PRKCA: variants seen among roughly 807,000 people sequenced by gnomAD.
PRKCA encodes protein kinase C alpha type.
Under a neutral mutation model 87.0 loss-of-function variants are expected in PRKCA, and 27 were observed. That is an observed-to-expected ratio of 0.31 (90% confidence interval 0.23 to 0.43). PRKCA has a LOEUF of 0.43. Among genes scored for constraint, PRKCA ranks in the 20% least tolerant of loss-of-function variants. The pLI is 1.00. For synonymous variants in PRKCA, 329 were observed against 311.1 expected, an observed-to-expected ratio of 1.06 and a Z score of -0.61; for missense variants, 518 against 852.3, an observed-to-expected ratio of 0.61 and a Z score of 4.88.
intron 2 of PRKCA, among the ~76,000 whole-genome samples, chr17:66,315,397 A>G (rs1462439371): frequency 6.6e-6 from 1 of 151,914 alleles, no homozygotes; most frequent in Non-Finnish European, 1.5e-5. Context: ...GCCTCTCACA[A>G]TTCTCCTTTT....
At chr17:66,679,269 C>T (rs902671532) in intron 5 of PRKCA, among the ~76,000 whole-genome samples, 2 of 151,580 alleles carry the variant, frequency 1.3e-5, no homozygotes, top group Non-Finnish European at 2.9e-5. Flanking sequence ...CAAGCTCTGC[C>T]GCCCGGGTTC....
chr17:66,783,414 G>C (rs1208215277), intron 14 of PRKCA, among the ~76,000 whole-genome samples: 1 of 152,154 alleles, frequency 6.6e-6, no homozygotes. Flanking sequence ...ATATTCTTTG[G>C]GGAGTGTCAG....
chr17:66,718,270 C>T (rs1973526642), intron 8 of PRKCA, among the ~76,000 whole-genome samples: 1 of 152,160 alleles, frequency 6.6e-6, no homozygotes. Context: ...GCTTTGCCCA[C>T]ACATGGTAGA....
chr17:66,742,921 A>G (rs1974188693), intron 13 of PRKCA, among the ~76,000 whole-genome samples, 161 bp downstream of exon 13: 1 of 152,276 alleles, frequency 6.6e-6, no homozygotes, highest in African/African-American at 2.4e-5. Flanking sequence ...AGGAAATAGG[A>G]GAGCCCATTG....
At chr17:66,652,774 A>G (rs1315548852) in intron 5 of PRKCA, among the ~76,000 whole-genome samples, 1 of 152,218 alleles carries the variant, frequency 6.6e-6, no homozygotes, top group East Asian at 1.9e-4. Flanking sequence ...ATTCTTGGCT[A>G]GAAGGAAGCC....
intron 14 of PRKCA, among the ~76,000 whole-genome samples, chr17:66,783,197 G>C (rs1278969735): frequency 6.6e-6 from 1 of 152,122 alleles, no homozygotes; most frequent in East Asian, 1.9e-4. Flanking sequence ...GTTACAGCTT[G>C]GGCATCTTAT....
intron 2 of PRKCA, among the ~76,000 whole-genome samples, chr17:66,312,124 G>T (rs1830058519): frequency 6.6e-6 from 1 of 152,146 alleles, no homozygotes; most frequent in South Asian, 2.1e-4. Flanking sequence ...TGGGATTACA[G>T]ATGCATGCCA....
intron 5 of PRKCA, among the ~76,000 whole-genome samples, chr17:66,650,184 G>A (rs887178202): frequency 3.3e-5 from 5 of 152,208 alleles, no homozygotes; most frequent in Non-Finnish European, 1.5e-5. Context: ...CCAAAGTAAC[G>A]TAGAAACTCC....
intron 2 of PRKCA, among the ~76,000 whole-genome samples, chr17:66,345,320 A>T (rs1049200381): frequency 6.6e-6 from 1 of 152,150 alleles, no homozygotes; most frequent in African/African-American, 2.4e-5. Context: ...CCTTGTTAGG[A>T]AGTTGAATTT....
chr17:66,392,560 A>T (rs1910428010), intron 2 of PRKCA, among the ~76,000 whole-genome samples: 1 of 152,108 alleles, frequency 6.6e-6, no homozygotes, highest in East Asian at 1.9e-4. Context: ...TCGGGCTGTC[A>T]TTGAAAAAGT....
intron 8 of PRKCA, among the ~76,000 whole-genome samples, chr17:66,698,959 G>A (rs1039001884): frequency 9.2e-5 from 14 of 151,720 alleles, no homozygotes; most frequent in Non-Finnish European, 1.3e-4. Flanking sequence ...CAGCCTGGGT[G>A]ACAGAGCGAG....
intron 11 of PRKCA, 114 bp downstream of exon 11, chr17:66,738,969 G>T (rs1273191114): frequency 2.8e-5 from 22 of 797,106 alleles, no homozygotes; most frequent in Non-Finnish European, 3.3e-5. Context: ...CTCAGGCTTT[G>T]CCTCCCAGGC....
At chr17:66,420,821 T>A (rs1169785385) in intron 2 of PRKCA, among the ~76,000 whole-genome samples, 2 of 152,222 alleles carry the variant, frequency 1.3e-5, no homozygotes, top group East Asian at 3.8e-4. Flanking sequence ...GACAGTCAAA[T>A]CAATGTTCTC....
chr17:66,702,770 A>G (rs1202145680), intron 8 of PRKCA, among the ~76,000 whole-genome samples: 1 of 152,174 alleles, frequency 6.6e-6, no homozygotes, highest in African/African-American at 2.4e-5. Context: ...CATCATGCAA[A>G]CATCATAGAG....
At chr17:66,488,888 T>C (rs565536590) in intron 2 of PRKCA, among the ~76,000 whole-genome samples, 1 of 152,336 alleles carries the variant, frequency 6.6e-6, no homozygotes, top group East Asian at 1.9e-4. Context: ...TTGTTACAAA[T>C]CTGAAACCAA....
intron 2 of PRKCA, among the ~76,000 whole-genome samples, chr17:66,456,126 C>T (rs1052245458): frequency 2.4e-4 from 37 of 151,930 alleles, no homozygotes; most frequent in African/African-American, 8.9e-4. Flanking sequence ...TGCCAGGAGC[C>T]ACCAGGAACT....
intron 3 of PRKCA, among the ~76,000 whole-genome samples, chr17:66,522,754 G>C (rs1006323703): frequency 5.9e-5 from 9 of 151,272 alleles, no homozygotes; most frequent in Non-Finnish European, 1.5e-5. Context: ...AATAGTGTGA[G>C]ACTGTCTAGC....
chr17:66,518,457 TTAATAGTTTTTAGC>T (rs1360472017), intron 3 of PRKCA, among the ~76,000 whole-genome samples: 1 of 152,230 alleles, frequency 6.6e-6, no homozygotes, highest in Admixed American at 6.5e-5. Flanking sequence ...TTGGAGTTGC[TTAATAGTTTTTAGC>T]TTTTAAATAA....
chr17:66,408,071 T>C (rs897418234), intron 2 of PRKCA, among the ~76,000 whole-genome samples: 4 of 152,242 alleles, frequency 2.6e-5, no homozygotes, highest in Admixed American at 1.3e-4. Context: ...AAAATTGGCA[T>C]TGACACTAAT....
Sources: allele counts gnomAD v4.1 joint callset (sites outside exome capture counted in the v4.1 genomes callset), GRCh38; gene constraint gnomAD v4.1.1; transcripts MANE v1.5; gene names NCBI Gene and HGNC (gene_info 2026-07-23, HGNC 2026-07-21).